Variants in NT5DC3 observed in about 807,000 individuals in gnomAD.
The protein encoded by NT5DC3 is 5'-nucleotidase domain-containing protein 3.
A neutral mutation model predicts 67.8 loss-of-function variants in NT5DC3; 42 were observed. That is an observed-to-expected ratio of 0.62 (90% CI 0.48 to 0.80). The LOEUF (loss-of-function observed/expected upper bound fraction) is 0.80, where lower values mean the gene tolerates loss of function less well. NT5DC3 is among the 30% of genes least tolerant of loss of function. The pLI, the probability that NT5DC3 is intolerant of heterozygous loss-of-function variation, is 0.00. For missense variants in NT5DC3, 570 were observed against 696.4 expected, an observed-to-expected ratio of 0.82 and a Z score of 2.04; for synonymous variants, 237 against 255.6, an observed-to-expected ratio of 0.93 and a Z score of 0.69.
chr12:103,812,204 T>G (rs758962636), intron 2 of NT5DC3, among the ~76,000 whole-genome samples: 16 of 152,286 alleles, frequency 1.1e-4, no homozygotes, highest in Non-Finnish European at 1.8e-4. Context: ...AAATTGCAAA[T>G]TTACTGTTCT....
the NT5DC3 span, chr12:103,755,682 C>G: frequency 6.2e-7 from 1 of 1,614,138 alleles, no homozygotes; most frequent in Non-Finnish European, 8.5e-7. Context: ...TGCTGCAGGT[C>G]CTGATGTCCT....
the NT5DC3 span, chr12:103,758,228 C>T: frequency 6.2e-7 from 1 of 1,614,198 alleles, no homozygotes; most frequent in Non-Finnish European, 8.5e-7. Context: ...GAACACCTGA[C>T]TGACCTGTCC....
At chr12:103,816,518 T>C (rs1197309813) in intron 1 of NT5DC3, among the ~76,000 whole-genome samples, 1 of 152,260 alleles carries the variant, frequency 6.6e-6, no homozygotes, top group South Asian at 2.1e-4. Flanking sequence ...CCTTCTACCA[T>C]CAGGGTCCAC....
At chr12:103,822,074 A>C (rs1299407256) in intron 1 of NT5DC3, 1 of 152,240 alleles carries the variant, frequency 6.6e-6, no homozygotes, top group Non-Finnish European at 1.5e-5. Context: ...TTAAACATTA[A>C]AAAGGTAGAA....
downstream of NT5DC3, among the ~76,000 whole-genome samples, chr12:103,767,934 AAAT>A (rs1434077511): frequency 1.3e-5 from 2 of 151,658 alleles, no homozygotes; most frequent in African/African-American, 4.9e-5. Context: ...TACAAAAAAA[AAAT>A]AATAGCTGGG....
the NT5DC3 span, among the ~76,000 whole-genome samples, chr12:103,752,643 T>C: frequency 1.3e-5 from 2 of 152,224 alleles, no homozygotes; most frequent in African/African-American, 2.4e-5. Flanking sequence ...AAACTCACTT[T>C]AATGTGTTTT....
the NT5DC3 span, among the ~76,000 whole-genome samples, chr12:103,764,820 G>A: frequency 4.6e-5 from 7 of 152,054 alleles, no homozygotes; most frequent in East Asian, 3.9e-4. Context: ...AGTTCGGGCC[G>A]GGTGCAGTGG....
At chr12:103,754,463 T>C in the NT5DC3 span, among the ~76,000 whole-genome samples, 2 of 152,062 alleles carry the variant, frequency 1.3e-5, no homozygotes, top group Admixed American at 1.3e-4. Context: ...TCCCACCTCA[T>C]AGGGTTGATT....
intron 4 of NT5DC3, among the ~76,000 whole-genome samples, chr12:103,800,268 T>C (rs1444907125): frequency 6.6e-6 from 1 of 152,218 alleles, no homozygotes; most frequent in African/African-American, 2.4e-5. Context: ...TCATCTTGAT[T>C]AACCTGTTAC....
chr12:103,829,817 C>T (rs920212625), intron 1 of NT5DC3, among the ~76,000 whole-genome samples: 2 of 151,374 alleles, frequency 1.3e-5, no homozygotes, highest in Admixed American at 1.3e-4. Context: ...TTTCCTGACA[C>T]ATATACATCC....
At chr12:103,756,284 T>C in the NT5DC3 span, among the ~76,000 whole-genome samples, 1 of 152,222 alleles carries the variant, frequency 6.6e-6, no homozygotes, top group African/African-American at 2.4e-5. Flanking sequence ...GGTTTGGTGC[T>C]GACTGATCAA....
chr12:103,841,050 C>T lies in NT5DC3; in HGVS notation c.107G>A (p.Cys36Tyr). 1 of 1,261,576 alleles carries T rather than the reference C, an allele frequency of 7.9e-7. No individual in the cohort carries two copies. The highest frequency in any genetic ancestry group is 3.5e-5 in the South Asian group (1 of 28,312). The allele number at this position is 1,261,576 out of a possible 1,614,324, so 78.1% of individuals were successfully genotyped here. Reference protein sequence around the residue: ...GCGTAARGRPCAGPARPLCTA... With the variant: ...GCGTAARGRPYAGPARPLCTA... Reference sequence around the variant, plus strand: ...GCACAAGGGCCGGGCGGGGCCCGCACACGGCCGCCCCCGAGCCGCGGTCCC... The same window carrying T: ...GCACAAGGGCCGGGCGGGGCCCGCATACGGCCGCCCCCGAGCCGCGGTCCC... Residue 36 changes from cysteine (C) to tyrosine (Y), a missense_variant, in exon 1 of 14, where the codon TGT (cysteine) becomes TAT (tyrosine). Transcript: ENST00000392876.
At chr12:103,794,203 G>T (rs1387495782) in intron 6 of NT5DC3, among the ~76,000 whole-genome samples, 1 of 65,732 alleles carries the variant, frequency 1.5e-5, no homozygotes, top group Non-Finnish European at 3.2e-5. Context: ...AGGCTGAAGT[G>T]CAGTGGTCCC....
At chr12:103,783,832 G>A (rs1014147175) in intron 12 of NT5DC3, among the ~76,000 whole-genome samples, 1 of 150,358 alleles carries the variant, frequency 6.7e-6, no homozygotes, top group Non-Finnish European at 1.5e-5. Flanking sequence ...AAAATATACT[G>A]ATACCATCTA....
chr12:103,787,690 A>C (rs1885854333), intron 10 of NT5DC3, among the ~76,000 whole-genome samples, 163 bp from the exon 11 acceptor site: 2 of 152,230 alleles, frequency 1.3e-5, no homozygotes, highest in African/African-American at 4.8e-5. Flanking sequence ...CTTCTATGTC[A>C]AATGCACTGT....
intron 1 of NT5DC3, among the ~76,000 whole-genome samples, chr12:103,826,099 T>A (rs10778288): frequency 0.15 from 23,183 of 152,192 alleles, 1,904 homozygotes; most frequent in Middle Eastern, 0.29. Context: ...CAGTCCCTTC[T>A]TTTTTCTATT....
At chr12:103,823,808 C>G (rs148587272) in intron 1 of NT5DC3, among the ~76,000 whole-genome samples, 26 of 152,258 alleles carry the variant, frequency 1.7e-4, no homozygotes, top group African/African-American at 5.5e-4. Flanking sequence ...TCCATTAACT[C>G]CACTACAGGT....
intron 12 of NT5DC3, among the ~76,000 whole-genome samples, chr12:103,782,817 T>A (rs781399698): frequency 1.2e-4 from 18 of 152,100 alleles, no homozygotes; most frequent in East Asian, 5.8e-4. Flanking sequence ...TGAAACCCCA[T>A]CTCTACTAAA....
chr12:103,838,585 T>C (rs974730693), intron 1 of NT5DC3, among the ~76,000 whole-genome samples: 4 of 152,226 alleles, frequency 2.6e-5, no homozygotes, highest in Non-Finnish European at 4.4e-5. Context: ...CTTTGGCATT[T>C]AGAGAAATGA....
Sources: allele counts gnomAD v4.1 joint callset (sites outside exome capture counted in the v4.1 genomes callset), GRCh38; gene constraint gnomAD v4.1.1; transcripts MANE v1.5; gene names NCBI Gene and HGNC (gene_info 2026-07-23, HGNC 2026-07-21).